The following NCS1 variants were observed in gnomAD, a reference collection of about 807,000 sequenced individuals.
NCS1 encodes neuronal calcium sensor 1.
In NCS1, 6 loss-of-function variants were observed where a neutral mutation model predicts 28.4. The ratio of observed to expected loss-of-function variants is 0.21; its 90% CI spans 0.12 to 0.42. The LOEUF (loss-of-function observed/expected upper bound fraction) is 0.42. Ranked by LOEUF, NCS1 falls within the 10% of genes least tolerant of loss-of-function variation. The probability of loss-of-function intolerance (pLI) is 1.00; values close to 1 mark genes in which losing one functional copy is unlikely to be tolerated. For synonymous variants in NCS1, 86 were observed against 99.3 expected (o/e 0.87, Z 0.79); for missense variants, 131 against 241.4 (o/e 0.54, Z 3.03).
rs868974603 is a variant in NCS1, at chr9:130,226,014, C to A, written c.475-375C>A. Among the ~76,000 whole-genome samples, 2 of 152,350 alleles carry A rather than the reference C, an allele frequency of 1.3e-5. No homozygotes were observed. Among genetic ancestry groups the A allele is most frequent in the Non-Finnish European group, 2.9e-5 (2 of 68,044 alleles). On this transcript the variant is annotated intron_variant, in intron 6 of 7. Transcript: ENST00000372398. This position sits in a 1 kb window ranked among gnomAD's most constrained non-coding sequence, Gnocchi z 4.8. Reference sequence around the variant, plus strand: ...CCCTTCCAAGAGTGACCCCAGAGAACTGCACGAGGCTCTCAGCCTTGTCAG... The same window carrying A: ...CCCTTCCAAGAGTGACCCCAGAGAAATGCACGAGGCTCTCAGCCTTGTCAG...
In NCS1 at chr9:130,175,019, G is replaced by C. The variant is rs1379843393; in HGVS notation, c.64+2292G>C. 6.6e-6 allele frequency among the ~76,000 whole-genome samples: 1 copy of C among 152,134 alleles called. No homozygotes were observed. Among genetic ancestry groups the C allele is most frequent in the Middle Eastern group, 3.2e-3 (1 of 316 alleles). On this transcript the variant is annotated intron_variant, in intron 1 of 7. Coordinates refer to ENST00000372398, the MANE Select transcript of NCS1 (RefSeq NM_014286.4). The surrounding 1 kb of genome is among the most constrained non-coding windows in gnomAD (Gnocchi z 4.9). ...TAAAGGCCTTTGGAGACGTGGAACA[G>C]TTTTGGGCAGAGAGAGAGTTGGCCT...
At chr9:130,203,227 C>T (rs1265453203) in intron 2 of NCS1, among the ~76,000 whole-genome samples, 1 of 151,360 alleles carries the variant, frequency 6.6e-6, no homozygotes, top group Admixed American at 6.6e-5. Context: ...TACAGTGATT[C>T]CCCTGCCTCA....
At position 130,235,861 on chromosome 9, in the gene NCS1, C is replaced by T. The variant is rs1043368; in HGVS notation, c.*2889C>T. The T allele has an allele frequency of 0.35, 52,967 of 152,242 alleles. 9,800 individuals are homozygous for T. Among genetic ancestry groups the T allele is most frequent in the Middle Eastern group, 0.43 (128 of 296 alleles). The allele number at this position is 152,242 out of a possible 1,614,324, so 9.4% of individuals were successfully genotyped here. Reference sequence around the variant, plus strand: ...TTCAGATGCTCTGATGCAGAGGGCACGCCCATAGTCCCTCTGCAGAGCCTC... The same window carrying T: ...TTCAGATGCTCTGATGCAGAGGGCATGCCCATAGTCCCTCTGCAGAGCCTC... On this transcript the variant is annotated 3_prime_UTR_variant, in exon 8 of 8. Transcript: ENST00000372398.
At chr9:130,184,899 G>T (rs1396154340) in intron 1 of NCS1, among the ~76,000 whole-genome samples, 1 of 151,870 alleles carries the variant, frequency 6.6e-6, no homozygotes, top group Non-Finnish European at 1.5e-5. Context: ...CAAAGTGCTG[G>T]GATTCCGTGA....
intron 7 of NCS1, among the ~76,000 whole-genome samples, chr9:130,227,625 A>C (rs563758838): frequency 1.2e-4 from 18 of 152,266 alleles, no homozygotes; most frequent in African/African-American, 3.9e-4. Flanking sequence ...ACTTGTTCTA[A>C]GTTTACTTTG....
At position 130,181,018 on chromosome 9, in the gene NCS1, TAA is replaced by T. The variant is rs1284430007; in HGVS notation, c.64+8292_64+8293del. Among the ~76,000 whole-genome samples, 1 of 152,166 alleles carries T rather than the reference TAA, an allele frequency of 6.6e-6. No individual in the cohort carries two copies. Among genetic ancestry groups the T allele is most frequent in the African/African-American group, 2.4e-5 (1 of 41,416 alleles). On this transcript the variant is annotated intron_variant, in intron 1 of 7. Transcript: ENST00000372398. This position sits in a 1 kb window ranked among gnomAD's most constrained non-coding sequence, Gnocchi z 5.0. ...GGATGGACAGCAGCCTGCCTGGGAT[TAA>T]GTCCCAGGACCATCATGGCCTGGAC...
intron 1 of NCS1, among the ~76,000 whole-genome samples, chr9:130,189,584 G>A (rs1832786732): frequency 6.6e-6 from 1 of 152,074 alleles, no homozygotes; most frequent in South Asian, 2.1e-4. Flanking sequence ...GCTCACGCCT[G>A]TAATCCCAGG....
At chr9:130,193,034 C>T (rs13287767) in intron 1 of NCS1, among the ~76,000 whole-genome samples, 2 of 152,210 alleles carry the variant, frequency 1.3e-5, no homozygotes, top group Admixed American at 1.3e-4. Flanking sequence ...AGACCACCAC[C>T]GTCTTCGCTT....
At chr9:130,206,499 C>T (rs1833026118) in intron 2 of NCS1, among the ~76,000 whole-genome samples, 1 of 149,398 alleles carries the variant, frequency 6.7e-6, no homozygotes, top group Non-Finnish European at 1.5e-5. Flanking sequence ...ATCTCTACCT[C>T]CTGGGTTCAA....
At chr9:130,194,714 C>T (rs1832858399) in intron 1 of NCS1, among the ~76,000 whole-genome samples, 1 of 152,190 alleles carries the variant, frequency 6.6e-6, no homozygotes, top group Admixed American at 6.5e-5. Flanking sequence ...AGAACTTTCC[C>T]CTGTCTGGCC....
chr9:130,227,097 A>G (rs1833426961), intron 7 of NCS1, among the ~76,000 whole-genome samples: 1 of 151,948 alleles, frequency 6.6e-6, no homozygotes, highest in Non-Finnish European at 1.5e-5. Context: ...TTTGAAAATT[A>G]GTTCCCAACC....
intron 4 of NCS1, among the ~76,000 whole-genome samples, chr9:130,221,451 G>GAGAGAGAGAGAGAGAGAA (rs1194707277): frequency 1.4e-5 from 2 of 138,116 alleles, no homozygotes; most frequent in African/African-American, 5.4e-5. Context: ...GAGAGAGAGA[G>GAGAGAGAGAGAGAGAGAA]AAAGAGAGAG....
intron 1 of NCS1, among the ~76,000 whole-genome samples, chr9:130,174,796 A>AAAAAAAAAAAAG (rs1832539700): frequency 6.6e-6 from 1 of 151,222 alleles, no homozygotes; most frequent in Non-Finnish European, 1.5e-5. Flanking sequence ...TCTCCAAAAA[A>AAAAAAAAAAAAG]AAAAAAAAAA....
rs1056696962 is a variant in NCS1 at position 130,232,941 on chromosome 9, A to G, written c.*18-49A>G. Reference sequence around the variant, plus strand: ...CCTCCGTGGCCAGACCTTAACCCCTATCCGCTGTGGCTGGATCTTAACCCA... The same window carrying G: ...CCTCCGTGGCCAGACCTTAACCCCTGTCCGCTGTGGCTGGATCTTAACCCA... On this transcript the variant is annotated intron_variant, in intron 7 of 7. Transcript: ENST00000372398. This position sits in a 1 kb window ranked among gnomAD's most constrained non-coding sequence, Gnocchi z 4.4. 8 of 152,722 alleles carry G rather than the reference A, an allele frequency of 5.2e-5. No homozygotes were observed. Among genetic ancestry groups the G allele is most frequent in the Admixed American group, 1.3e-4 (2 of 15,276 alleles). 9.5% of individuals were successfully genotyped at this position (152,722 alleles called of 1,614,324 possible). A position where few individuals can be genotyped will look rare whatever the true frequency, so the allele number is the denominator to read the frequency against.
chr9:130,189,844 G>A (rs1224986631), intron 1 of NCS1, among the ~76,000 whole-genome samples: 2 of 96,680 alleles, frequency 2.1e-5, no homozygotes, highest in Non-Finnish European at 3.7e-5. Flanking sequence ...AGAGCTAGAA[G>A]ATAGACTCCA....
At chr9:130,172,768 C>A (rs1326985017) in intron 1 of NCS1, 41 bp downstream of exon 1, 20 of 1,159,196 alleles carry the variant, frequency 1.7e-5, no homozygotes, top group Non-Finnish European at 2.3e-5. Context: ...CGCGGTCACC[C>A]CCACACCCAC....
intron 3 of NCS1, 43 bp downstream of exon 3, chr9:130,218,013 C>A: frequency 6.2e-7 from 1 of 1,612,758 alleles, no homozygotes; most frequent in Non-Finnish European, 8.5e-7. Context: ...TGGCTCAGCT[C>A]CTGTGGGTAC....
At chr9:130,213,307 T>G (rs1833138584) in intron 2 of NCS1, among the ~76,000 whole-genome samples, 1 of 152,184 alleles carries the variant, frequency 6.6e-6, no homozygotes, top group Admixed American at 6.5e-5. Context: ...AGACGGAGTC[T>G]CGCTCTGTCC....
intron 2 of NCS1, among the ~76,000 whole-genome samples, chr9:130,214,549 G>T (rs77006551): frequency 1.3e-5 from 2 of 152,144 alleles, no homozygotes; most frequent in African/African-American, 4.8e-5. Context: ...GAGGCGGGAC[G>T]AGGACTCACA....
Sources: gnomAD v4.1 joint callset for allele counts (sites outside exome capture counted in the v4.1 genomes callset) on GRCh38, gnomAD v4.1.1 for gene constraint, Gnocchi (gnomAD v3.1) non-coding constraint, MANE v1.5 for transcripts, NCBI Gene and HGNC (gene_info 2026-07-23, HGNC 2026-07-21) for gene names.